TEX261: variants seen among roughly 807,000 people sequenced by gnomAD.
TEX261 encodes testis expressed 261.
TEX261 carries 13 observed loss-of-function variants against 25.1 expected under a neutral mutation model. That is an observed-to-expected ratio of 0.52 (90% confidence interval 0.34 to 0.82). TEX261 has a LOEUF of 0.82. TEX261 is among the 40% of genes least tolerant of loss of function. The pLI is 0.02. For synonymous variants in TEX261, 92 were observed against 97.8 expected (o/e 0.94, Z 0.35); for missense variants, 206 against 243.2 (o/e 0.85, Z 1.02).
chr2:70,991,413 C>T (rs80156796), intron 3 of TEX261, among the ~76,000 whole-genome samples: 2 of 152,340 alleles, frequency 1.3e-5, no homozygotes, highest in East Asian at 3.9e-4. Context: ...GCTCACAGCC[C>T]CATGAGGCTC....
rs781876154 is a variant in TEX261, at chr2:70,994,786, A to C, written c.-29T>G. 21 of 1,559,098 alleles carry C rather than the reference A, an allele frequency of 1.3e-5. No homozygotes were observed. The highest frequency in any genetic ancestry group is 2.5e-5 in the East Asian group (1 of 40,678). On this transcript the variant is annotated 5_prime_UTR_variant, in exon 1 of 6. Transcript: ENST00000272438. Reference sequence around the variant, plus strand: ...GCCCCCACCCGCCCGCTCCCCGGCCACCGGGACGGGCCTGCGCGCTTCGGC... The same window carrying C: ...GCCCCCACCCGCCCGCTCCCCGGCCCCCGGGACGGGCCTGCGCGCTTCGGC...
At position 70,987,259 on chromosome 2, in the gene TEX261, C is replaced by T. The variant is rs1047839485; in HGVS notation, c.*1341G>A. The T allele has an allele frequency of 2.0e-5, 3 of 152,166 alleles. No homozygotes were observed. Among genetic ancestry groups the T allele is most frequent in the Non-Finnish European group, 4.4e-5 (3 of 68,044 alleles). 9.4% of individuals were successfully genotyped at this position (152,166 alleles called of 1,614,324 possible). A position where few individuals can be genotyped will look rare whatever the true frequency, so the allele number is the denominator to read the frequency against. ...TAAGAGGAGACCAACATGTGCTCTT[C>T]CTCTCAGGGAAAGGGGAAAGCTGGT... On this transcript the variant is annotated 3_prime_UTR_variant, in exon 6 of 6. Coordinates refer to ENST00000272438, the MANE Select transcript of TEX261 (RefSeq NM_144582.3).
chr2:70,988,573 G>GC lies in TEX261; in HGVS notation c.*26dup. 6.4e-7 allele frequency: 1 copy of GC among 1,571,124 alleles called. No individual in the cohort carries two copies. Among genetic ancestry groups the GC allele is most frequent in the Non-Finnish European group, 8.8e-7 (1 of 1,140,912 alleles). On this transcript the variant is annotated 3_prime_UTR_variant, in exon 6 of 6. Coordinates refer to ENST00000272438, the MANE Select transcript of TEX261 (RefSeq NM_144582.3). ...CCAGGGGCCTGACTCTCCTGATCTT[G>GC]CCCCCCACATCCTGCCTGCATGGGG...
At position 70,988,404 on chromosome 2, in the gene TEX261, G is replaced by A; in HGVS notation, c.*196C>T. ...TGCCACCCTCCTTGGTGCCCTCTGA[G>A]GTTACAGCCTCTTGAAGCATCAGAT... On this transcript the variant is annotated 3_prime_UTR_variant, in exon 6 of 6. Coordinates refer to ENST00000272438, the MANE Select transcript of TEX261 (RefSeq NM_144582.3). 1.7e-6 allele frequency: 1 copy of A among 577,366 alleles called. No homozygotes were observed. The highest frequency in any genetic ancestry group is 2.0e-5 in the South Asian group (1 of 49,764). 35.8% of individuals were successfully genotyped at this position (577,366 alleles called of 1,614,324 possible). A position where few individuals can be genotyped will look rare whatever the true frequency, so the allele number is the denominator to read the frequency against.
intron 1 of TEX261, among the ~76,000 whole-genome samples, 185 bp from the exon 2 acceptor site, chr2:70,993,960 C>G (rs1215935142): frequency 3.9e-5 from 6 of 152,200 alleles, no homozygotes; most frequent in Admixed American, 3.9e-4. Flanking sequence ...CAACTAAGGA[C>G]AAATCTCATA....
rs375989176 is a variant in TEX261, at chr2:70,993,561, G to A, written c.150+135C>T. On this transcript the variant is annotated intron_variant, in intron 2 of 5. Transcript: ENST00000272438. The stretch of plus-strand genomic sequence containing the variant: ...GCAGACCCAAAAGACAGCGTTCAGG[G>A]CAAGGAGGTAAGAGTGTATGCTCAG... 32 of 760,504 alleles carry A rather than the reference G, an allele frequency of 4.2e-5. No individual in the cohort carries two copies. The East Asian group carries it at 4.2e-4, about 10-fold the overall frequency. The allele number at this position is 760,504 out of a possible 1,614,324, so 47.1% of individuals were successfully genotyped here.
At chr2:70,989,377 A>C in intron 4 of TEX261, 2 of 414,376 alleles carry the variant, frequency 4.8e-6, no homozygotes, top group Non-Finnish European at 8.9e-6. Context: ...GTGTGGAGAA[A>C]TCGTGGGAGA....
chr2:70,991,855 G>A lies in TEX261; in HGVS notation c.279C>T (p.Thr93=). ...CACACGACAGGATGAAGTTAGGCGA[G>A]GTCAGCATGATGAAGGGGAAGGTCT... ...LLQTFPFIML[T]SPNFILSCGL... is the part of the protein sequence containing the mutation. Residue 93 remains threonine, a synonymous_variant, in exon 3 of 6, where the codon ACC becomes ACT. Transcript: ENST00000272438. 6.2e-7 allele frequency: 1 copy of A among 1,613,608 alleles called. No individual in the cohort carries two copies.
rs782656138 is a variant in TEX261 at position 70,989,003 on chromosome 2, G to A, written c.387C>T (p.Phe129=). 1.2e-6 allele frequency: 2 copies of A among 1,613,666 alleles called. No homozygotes were observed. Among genetic ancestry groups the A allele is most frequent in the East Asian group, 2.2e-5 (1 of 44,874 alleles). Residue 129 remains phenylalanine (F), a synonymous_variant, in exon 5 of 6, where the codon TTC becomes TTT. Coordinates refer to ENST00000272438, the MANE Select transcript of TEX261 (RefSeq NM_144582.3). ...YYPFSEVLAY[F]TFCLWIIPFA... Reference sequence around the variant, plus strand: ...ACGGAATTATCCACAGGCAGAAAGTGAAATAGGCCAGGACCTGGCAACAAG... The same window carrying A: ...ACGGAATTATCCACAGGCAGAAAGTAAAATAGGCCAGGACCTGGCAACAAG...
chr2:70,991,370 G>C (rs1329114747), intron 3 of TEX261, among the ~76,000 whole-genome samples: 3 of 152,242 alleles, frequency 2.0e-5, no homozygotes, highest in African/African-American at 7.2e-5. Flanking sequence ...CAGCCCCCAG[G>C]AGGCATTCAC....
Position 70,988,992 on chromosome 2 carries a change from A to G in TEX261, c.398T>C (p.Leu133Pro), listed in dbSNP as rs1396199982. ...SEVLAYFTFC[L>P]WIIPFAFFVS... The stretch of plus-strand genomic sequence containing the variant: ...AAAAAACGCAAACGGAATTATCCAC[A>G]GGCAGAAAGTGAAATAGGCCAGGAC... Residue 133 changes from leucine to proline, a missense_variant, in exon 5 of 6, where the codon CTG becomes CCG. Physicochemically the swap from Leu to Pro is moderately conservative, Grantham distance 98. Coordinates refer to ENST00000272438, the MANE Select transcript of TEX261 (RefSeq NM_144582.3). The G allele has an allele frequency of 2.2e-5, 36 of 1,613,844 alleles. No individual in the cohort carries two copies. Among genetic ancestry groups the G allele is most frequent in the Non-Finnish European group, 3.0e-5 (35 of 1,179,946 alleles).
In TEX261 at chr2:70,989,835, G is replaced by A. The variant is rs782655755; in HGVS notation, c.305-19C>T. On this transcript the variant is annotated intron_variant, in intron 3 of 5. Transcript: ENST00000272438. ...ACTAGTCCTGTTGAGGGAATGAAGAGTCAGTCAGTTTAAGGGGAATAACAG... is the reference window on the plus strand; with the variant it reads ...ACTAGTCCTGTTGAGGGAATGAAGAATCAGTCAGTTTAAGGGGAATAACAG... 5 of 1,592,888 alleles carry A rather than the reference G, an allele frequency of 3.1e-6. No individual in the cohort carries two copies. In the East Asian group the frequency reaches 1.1e-4, roughly 36 times the overall value.
chr2:70,989,055 G>A (rs1553425308), intron 4 of TEX261, 38 bp from the exon 5 acceptor site: 1 of 1,575,214 alleles, frequency 6.3e-7, no homozygotes, highest in East Asian at 2.3e-5. Context: ...GTGCCCCGGA[G>A]GTGCCAAGAG....
intron 2 of TEX261, 65 bp from the exon 3 acceptor site, chr2:70,992,048 C>A: frequency 6.1e-6 from 9 of 1,470,282 alleles, no homozygotes; most frequent in Middle Eastern, 1.9e-4. Context: ...GACTCACCAA[C>A]CCCCAGCCCG....
At chr2:70,988,827 G>A in intron 5 of TEX261, 88 bp downstream of exon 5, 2 of 1,535,068 alleles carry the variant, frequency 1.3e-6, no homozygotes, top group Admixed American at 1.7e-5. Flanking sequence ...CCAACACAGG[G>A]CTAGATTCAG....
At chr2:70,993,320 A>G (rs2104874868) in intron 2 of TEX261, among the ~76,000 whole-genome samples, 1 of 152,388 alleles carries the variant, frequency 6.6e-6, no homozygotes, top group East Asian at 1.9e-4. Context: ...GGCAATGAAC[A>G]TATATGCAAA....
At chr2:70,992,601 T>C (rs1553425764) in intron 2 of TEX261, among the ~76,000 whole-genome samples, 1 of 151,958 alleles carries the variant, frequency 6.6e-6, no homozygotes, top group Non-Finnish European at 1.5e-5. Flanking sequence ...TGGTGGCACA[T>C]GCCTATAATC....
chr2:70,990,976 T>A (rs1266005420), intron 3 of TEX261, among the ~76,000 whole-genome samples: 1 of 152,112 alleles, frequency 6.6e-6, no homozygotes, highest in Admixed American at 6.5e-5. Flanking sequence ...GTGTGGATAA[T>A]ATTCACCCTC....
At chr2:70,991,790 C>G in intron 3 of TEX261, 40 bp downstream of exon 3, 1 of 1,605,178 alleles carries the variant, frequency 6.2e-7, no homozygotes, top group Non-Finnish European at 8.5e-7. Context: ...TGGGCACACC[C>G]AACCACATCA....
Sources: allele counts gnomAD v4.1 joint callset (sites outside exome capture counted in the v4.1 genomes callset), GRCh38; gene constraint gnomAD v4.1.1; transcripts MANE v1.5; gene names NCBI Gene and HGNC (gene_info 2026-07-23, HGNC 2026-07-21).